The following ADAMTSL1 variants were observed in gnomAD, a reference collection of about 807,000 sequenced individuals.
The protein encoded by ADAMTSL1 is ADAMTS-like protein 1.
Under a neutral mutation model 201.8 loss-of-function variants are expected in ADAMTSL1, and 126 were observed. The ratio of observed to expected loss-of-function variants is 0.62; its 90% CI spans 0.54 to 0.72. The LOEUF (loss-of-function observed/expected upper bound fraction) is 0.72. Ranked by LOEUF, ADAMTSL1 falls within the 30% of genes least tolerant of loss-of-function variation. ADAMTSL1 has a pLI of 0.00. For missense variants in ADAMTSL1, 2,679 were observed against 2,277.8 expected (o/e 1.18, Z -3.59); for synonymous variants, 1,121 against 903.4 (o/e 1.24, Z -4.32).
intron 1 of ADAMTSL1, among the ~76,000 whole-genome samples, chr9:17,931,842 G>T (rs915802404): frequency 6.6e-6 from 1 of 152,136 alleles, no homozygotes; most frequent in Non-Finnish European, 1.5e-5. Flanking sequence ...CAATGATGGA[G>T]CTCCCAAATC....
At chr9:18,858,075 G>GCATGTATA (rs1826977204) in intron 23 of ADAMTSL1, among the ~76,000 whole-genome samples, 1 of 151,902 alleles carries the variant, frequency 6.6e-6, no homozygotes, top group Non-Finnish European at 1.5e-5. Flanking sequence ...ATATATCTGT[G>GCATGTATA]CATGTATAGC....
chr9:18,436,712 C>T (rs1819749437), intron 2 of ADAMTSL1, among the ~76,000 whole-genome samples: 1 of 152,068 alleles, frequency 6.6e-6, no homozygotes, highest in Non-Finnish European at 1.5e-5. Context: ...GCTGCTGATT[C>T]CCCCCTCCTC....
intron 1 of ADAMTSL1, among the ~76,000 whole-genome samples, chr9:17,971,972 A>G (rs1466316043): frequency 2.6e-5 from 4 of 151,646 alleles, no homozygotes; most frequent in Non-Finnish European, 1.5e-5. Flanking sequence ...TTCTGGCTTT[A>G]TCAAAATAGA....
At chr9:18,640,058 C>T (rs984710274) in intron 7 of ADAMTSL1, among the ~76,000 whole-genome samples, 3 of 152,126 alleles carry the variant, frequency 2.0e-5, no homozygotes, top group Non-Finnish European at 4.4e-5. Flanking sequence ...TGTAATGTGT[C>T]CAGGACTCCA....
In ADAMTSL1 at chr9:18,692,607, A is replaced by G. The variant is rs138958491; in HGVS notation, c.1574+7807A>G. Among the ~76,000 whole-genome samples, 696 of 152,324 alleles carry G rather than the reference A, an allele frequency of 4.6e-3. 3 individuals carry two copies. The highest frequency in any genetic ancestry group is 0.016 in the African/African-American group (661 of 41,574). ...TCATTTTTAATGAACTGAACTTTTC[A>G]TTGGAAAGCTTTGCCAAACATGTTG... On this transcript the variant is annotated intron_variant, in intron 13 of 28. Coordinates refer to ENST00000380548, the MANE Select transcript of ADAMTSL1 (RefSeq NM_001040272.6).
chr9:18,131,023 C>A (rs1178674260), intron 1 of ADAMTSL1, among the ~76,000 whole-genome samples: 2 of 152,102 alleles, frequency 1.3e-5, no homozygotes, highest in Non-Finnish European at 2.9e-5. Context: ...TCAATGTCCC[C>A]ATGGTATAAC....
At chr9:18,865,668 G>C (rs1181251489) in intron 23 of ADAMTSL1, among the ~76,000 whole-genome samples, 2 of 152,142 alleles carry the variant, frequency 1.3e-5, no homozygotes, top group Non-Finnish European at 2.9e-5. Context: ...ACCTGGCTTT[G>C]GCTCAGTTTA....
intron 2 of ADAMTSL1, among the ~76,000 whole-genome samples, chr9:18,354,481 T>A (rs1836120739): frequency 6.6e-6 from 1 of 152,182 alleles, no homozygotes; most frequent in Non-Finnish European, 1.5e-5. Flanking sequence ...TTTATTTGAA[T>A]TGAGAATCCA....
chr9:18,411,070 GCCAGGATGGTCTTAATCT>G (rs1460680976), intron 2 of ADAMTSL1, among the ~76,000 whole-genome samples: 13 of 151,176 alleles, frequency 8.6e-5, no homozygotes, highest in Non-Finnish European at 1.5e-4. Flanking sequence ...CACCATGTTG[GCCAGGATGGTCTTAATCT>G]CCTGACCTCA....
At chr9:18,116,634 A>T (rs964704903) in intron 1 of ADAMTSL1, among the ~76,000 whole-genome samples, 19 of 152,154 alleles carry the variant, frequency 1.2e-4, no homozygotes, top group African/African-American at 4.6e-4. Flanking sequence ...TATGTAGCAG[A>T]TGTCTTATCT....
At chr9:18,315,432 G>T (rs1430804228) in intron 2 of ADAMTSL1, among the ~76,000 whole-genome samples, 2 of 152,066 alleles carry the variant, frequency 1.3e-5, no homozygotes, top group Non-Finnish European at 2.9e-5. Context: ...GCCCAAGGGG[G>T]AGTGAGGAGG....
chr9:18,051,809 T>A, intron 1 of ADAMTSL1, among the ~76,000 whole-genome samples: 1 of 152,194 alleles, frequency 6.6e-6, no homozygotes, highest in East Asian at 1.9e-4. Context: ...TGGTTTGTGA[T>A]ACCTTGTCTG....
At chr9:18,112,033 A>G (rs539974146) in intron 1 of ADAMTSL1, among the ~76,000 whole-genome samples, 3 of 152,324 alleles carry the variant, frequency 2.0e-5, no homozygotes, top group South Asian at 4.1e-4. Flanking sequence ...CCAGAGCACC[A>G]GGAACCTGAT....
At chr9:18,506,109 A>T (rs985873287) in intron 2 of ADAMTSL1, among the ~76,000 whole-genome samples, 2 of 152,244 alleles carry the variant, frequency 1.3e-5, no homozygotes, top group African/African-American at 2.4e-5. Context: ...TGCACTAAAA[A>T]TGGGTCAATG....
chr9:17,926,460 T>C (rs1202481722), intron 1 of ADAMTSL1, among the ~76,000 whole-genome samples: 1 of 152,146 alleles, frequency 6.6e-6, no homozygotes, highest in Non-Finnish European at 1.5e-5. Context: ...CAGGAATCCA[T>C]GCTGACGGCA....
chr9:18,423,676 C>T (rs536034548), intron 2 of ADAMTSL1, among the ~76,000 whole-genome samples: 10 of 152,220 alleles, frequency 6.6e-5, no homozygotes, highest in African/African-American at 9.6e-5. Context: ...TATAGGAGCA[C>T]GCTTTTGGAG....
At position 18,226,879 on chromosome 9, in the gene ADAMTSL1, TTA is replaced by T. The variant is rs201453419; in HGVS notation, c.207+62900_207+62901del. Among the ~76,000 whole-genome samples, 1,014 of 152,294 alleles carry T rather than the reference TTA, an allele frequency of 6.7e-3. 11 individuals carry two copies. Among genetic ancestry groups the T allele is most frequent in the African/African-American group, 0.023 (965 of 41,570 alleles). On this transcript the variant is annotated intron_variant, in intron 2 of 29. Coordinates refer to the ADAMTSL1 transcript ENST00000680146. ...AATCATGAATCCAGCATGAATATGT[TTA>T]TTTGTTGACACAGTTATAAAATATA... is the stretch of plus-strand genomic sequence containing the variant.
intron 4 of ADAMTSL1, among the ~76,000 whole-genome samples, chr9:18,600,288 GC>G: frequency 6.6e-6 from 1 of 152,270 alleles, no homozygotes; most frequent in South Asian, 2.1e-4. Flanking sequence ...CTCTAACCAT[GC>G]CAGACACTCC....
At chr9:18,729,641 A>G (rs1009987678) in intron 15 of ADAMTSL1, among the ~76,000 whole-genome samples, 1 of 152,160 alleles carries the variant, frequency 6.6e-6, no homozygotes, top group Non-Finnish European at 1.5e-5. Context: ...CACTGAACAA[A>G]TGTCTATTGA....
Sources: allele counts gnomAD v4.1 joint callset (sites outside exome capture counted in the v4.1 genomes callset), GRCh38; gene constraint gnomAD v4.1.1; transcripts MANE v1.5; gene names NCBI Gene and HGNC (gene_info 2026-07-23, HGNC 2026-07-21).